Variants in RTL4 observed in about 807,000 individuals in gnomAD.
The protein encoded by RTL4 is retrotransposon Gag like 4, also known as retrotransposon Gag-like protein 4.
A neutral mutation model predicts 5.3 loss-of-function variants in RTL4; 4 were observed. The ratio of observed to expected loss-of-function variants is 0.75; its 90% CI spans 0.37 to 1.72. The LOEUF is 1.72. Ranked by LOEUF, RTL4 falls within the 40% of genes most tolerant of loss-of-function variation. The pLI, the probability that RTL4 is intolerant of heterozygous loss-of-function variation, is 0.04. For synonymous variants in RTL4, 98 were observed against 87.3 expected (o/e 1.12, Z -0.68); for missense variants, 260 against 227.1 (o/e 1.14, Z -0.93).
the RTL4 span, among the ~76,000 whole-genome samples, chrX:112,222,286 C>T: frequency 9.0e-6 from 1 of 111,424 alleles, no homozygotes; most frequent in Non-Finnish European, 1.9e-5. Flanking sequence ...TACAGTGAGT[C>T]TTCATGCAAT....
chrX:112,401,540 C>T, the RTL4 span, among the ~76,000 whole-genome samples: 3 of 111,857 alleles, frequency 2.7e-5, no homozygotes, highest in African/African-American at 9.8e-5. Flanking sequence ...GTTAGGTAAT[C>T]TTAGAGAGAA....
At chrX:112,243,593 CTTT>C in the RTL4 span, among the ~76,000 whole-genome samples, 2 of 111,328 alleles carry the variant, frequency 1.8e-5, no homozygotes, top group Non-Finnish European at 1.9e-5. Context: ...CTCTTTTCTT[CTTT>C]ATTAGTCTTG....
the RTL4 span, among the ~76,000 whole-genome samples, chrX:112,149,386 G>A: frequency 2.7e-5 from 3 of 111,876 alleles, no homozygotes; most frequent in Non-Finnish European, 5.6e-5. Flanking sequence ...TACATCAGAA[G>A]TATCTTAAGT....
At chrX:112,368,310 G>A in the RTL4 span, among the ~76,000 whole-genome samples, 4 of 111,193 alleles carry the variant, frequency 3.6e-5, no homozygotes, top group East Asian at 5.7e-4. Flanking sequence ...GTGAACGTCT[G>A]GTGAAGGAGA....
the RTL4 span, among the ~76,000 whole-genome samples, chrX:112,224,305 CATTTATTTATTTATTT>C: frequency 2.0e-3 from 184 of 90,759 alleles, 1 homozygote; most frequent in East Asian, 2.6e-3. Flanking sequence ...CTTCCAGATA[CATTTATTTATTTATTT>C]ATTTATTTAT....
the RTL4 span, among the ~76,000 whole-genome samples, chrX:112,257,889 G>GTA: frequency 1.3e-3 from 130 of 101,869 alleles, no homozygotes; most frequent in East Asian, 8.4e-3. Flanking sequence ...ATATATATGT[G>GTA]TATATATATA....
chrX:112,403,686 T>C, the RTL4 span, among the ~76,000 whole-genome samples: 1 of 112,241 alleles, frequency 8.9e-6, no homozygotes, highest in Non-Finnish European at 1.9e-5. Flanking sequence ...ACTCTTAGAT[T>C]CTGAGGAAAC....
the RTL4 span, among the ~76,000 whole-genome samples, chrX:112,130,344 C>A: frequency 9.7e-6 from 1 of 102,822 alleles, no homozygotes; most frequent in East Asian, 3.5e-4. Flanking sequence ...ACAATTAGAT[C>A]AGTTTTTGCC....
chrX:112,300,693 G>A, the RTL4 span, among the ~76,000 whole-genome samples: 2 of 112,217 alleles, frequency 1.8e-5, no homozygotes, highest in African/African-American at 6.5e-5. Context: ...CATGGCCTTA[G>A]TAGTTAGAGA....
the RTL4 span, among the ~76,000 whole-genome samples, chrX:112,201,101 G>A: frequency 1.8e-5 from 2 of 111,369 alleles, no homozygotes; most frequent in African/African-American, 6.5e-5. Context: ...CATGACAGAA[G>A]GAGAAGCAAG....
At chrX:112,175,808 G>C in the RTL4 span, among the ~76,000 whole-genome samples, 3 of 111,237 alleles carry the variant, frequency 2.7e-5, no homozygotes, top group Admixed American at 2.9e-4. Context: ...CATTCCCTTT[G>C]AAAACTGGCA....
the RTL4 span, among the ~76,000 whole-genome samples, chrX:112,291,060 T>G: frequency 9.0e-6 from 1 of 111,325 alleles, no homozygotes; most frequent in Non-Finnish European, 1.9e-5. Flanking sequence ...GGACCCAAGA[T>G]AGGAATACTT....
the RTL4 span, among the ~76,000 whole-genome samples, chrX:112,265,399 C>T: frequency 9.0e-6 from 1 of 111,479 alleles, no homozygotes; most frequent in African/African-American, 3.3e-5. Flanking sequence ...AAGGGAGAGT[C>T]CCTGCATAAC....
the RTL4 span, among the ~76,000 whole-genome samples, chrX:112,263,638 G>T: frequency 1.8e-5 from 2 of 111,803 alleles, no homozygotes; most frequent in African/African-American, 3.2e-5. Context: ...AAAATGGAAA[G>T]ATTTCCTTAT....
At chrX:112,155,937 G>A in the RTL4 span, among the ~76,000 whole-genome samples, 1 of 111,549 alleles carries the variant, frequency 9.0e-6, no homozygotes, top group Non-Finnish European at 1.9e-5. Context: ...TCAAGGAAAT[G>A]TTTCTTTTGG....
upstream of RTL4, among the ~76,000 whole-genome samples, chrX:112,449,608 CT>C (rs1200871449): frequency 9.0e-6 from 1 of 111,573 alleles, no homozygotes; most frequent in African/African-American, 3.3e-5. Context: ...GCCCAAGAAT[CT>C]GCATGTTAAA....
chrX:112,419,716 A>G, the RTL4 span, among the ~76,000 whole-genome samples: 1 of 98,456 alleles, frequency 1.0e-5, no homozygotes, highest in East Asian at 3.2e-4. Context: ...GGGGGCTAAG[A>G]CTCTTGTAAC....
At chrX:112,401,618 C>CA in the RTL4 span, among the ~76,000 whole-genome samples, 9 of 107,935 alleles carry the variant, frequency 8.3e-5, no homozygotes, top group East Asian at 8.7e-4. Context: ...AAATTCTAGA[C>CA]TTTTTTTTTA....
the RTL4 span, among the ~76,000 whole-genome samples, chrX:112,216,737 T>G: frequency 1.8e-5 from 2 of 112,044 alleles, no homozygotes; most frequent in Non-Finnish European, 1.9e-5. Flanking sequence ...TAGAATTTTC[T>G]TCTCAAGCGT....
Sources: allele counts gnomAD v4.1 joint callset (sites outside exome capture counted in the v4.1 genomes callset), GRCh38; gene constraint gnomAD v4.1.1; transcripts MANE v1.5; gene names NCBI Gene and HGNC (gene_info 2026-07-23, HGNC 2026-07-21).